PCSK5: variants seen among roughly 807,000 people sequenced by gnomAD.
PCSK5 encodes the protein prohormone convertase 5.
A neutral mutation model predicts 233.2 loss-of-function variants in PCSK5; 129 were observed. The ratio of observed to expected loss-of-function variants is 0.55; its 90% CI spans 0.48 to 0.64. The LOEUF is 0.64. PCSK5 is among the 30% of genes least tolerant of loss of function. The pLI is 0.00. For synonymous variants in PCSK5, 825 were observed against 879.2 expected (o/e 0.94, Z 1.09); for missense variants, 2,076 against 2,430.1 (o/e 0.85, Z 3.06).
At chr9:76,234,691 A>G (rs578078954) in intron 22 of PCSK5, among the ~76,000 whole-genome samples, 32 of 152,352 alleles carry the variant, frequency 2.1e-4, no homozygotes, top group African/African-American at 7.5e-4. Context: ...TACTTCTTTA[A>G]GAGTTTTTAT....
At chr9:76,291,434 C>A (rs1281026228) in intron 24 of PCSK5, among the ~76,000 whole-genome samples, 1 of 152,172 alleles carries the variant, frequency 6.6e-6, no homozygotes, top group African/African-American at 2.4e-5. Flanking sequence ...ATAAGAAGAG[C>A]AAGACTGGAA....
intron 20 of PCSK5, among the ~76,000 whole-genome samples, chr9:76,196,168 G>T (rs559252013): frequency 1.3e-5 from 2 of 152,356 alleles, no homozygotes; most frequent in African/African-American, 2.4e-5. Flanking sequence ...GCTTGGTATT[G>T]TTTCTATCAG....
rs543280114 is a variant in PCSK5, at chr9:76,361,918, T to A, written c.*2996T>A. The A allele has an allele frequency of 6.6e-6, 1 of 152,350 alleles. No homozygotes were observed. The highest frequency in any genetic ancestry group is 1.9e-4 in the East Asian group (1 of 5,190). The allele number at this position is 152,350 out of a possible 1,614,324, so 9.4% of individuals were successfully genotyped here. On this transcript the variant is annotated 3_prime_UTR_variant, in exon 38 of 38. Coordinates refer to ENST00000674117, the MANE Select transcript of PCSK5 (RefSeq NM_001372043.1). Reference sequence around the variant, plus strand: ...TGTTAATTCTAAAGCTCTGATAGACTGAGTTTGACATTTCTTTCTGTAAAC... The same window carrying A: ...TGTTAATTCTAAAGCTCTGATAGACAGAGTTTGACATTTCTTTCTGTAAAC...
intron 2 of PCSK5, among the ~76,000 whole-genome samples, chr9:75,942,882 CTTCTTTTTTT>C (rs1368782536): frequency 1.8e-5 from 2 of 112,952 alleles, no homozygotes; most frequent in African/African-American, 6.6e-5. Context: ...TTTTCTTCTT[CTTCTTTTTTT>C]TTTTTTTTTT....
intron 5 of PCSK5, among the ~76,000 whole-genome samples, chr9:76,052,488 C>T (rs559938924): frequency 1.3e-5 from 2 of 152,266 alleles, no homozygotes; most frequent in South Asian, 4.1e-4. Flanking sequence ...ATAAAACCAT[C>T]ACCTCTCATG....
chr9:75,979,074 G>A (rs926955176), intron 2 of PCSK5, among the ~76,000 whole-genome samples: 5 of 152,004 alleles, frequency 3.3e-5, no homozygotes, highest in Non-Finnish European at 5.9e-5. Flanking sequence ...GACTGGTCTC[G>A]AACTCCTGTC....
upstream of PCSK5, among the ~76,000 whole-genome samples, chr9:75,890,448 G>A (rs530901845): frequency 1.3e-5 from 2 of 152,116 alleles, no homozygotes; most frequent in Non-Finnish European, 2.9e-5. Flanking sequence ...GTAAAACCAC[G>A]ATCTCGGAGC....
At chr9:76,354,328 T>A in intron 37 of PCSK5, 109 bp downstream of exon 37, 1 of 810,620 alleles carries the variant, frequency 1.2e-6, no homozygotes, top group Non-Finnish European at 1.9e-6. Flanking sequence ...TATGGCTACC[T>A]TTTTATTGAG....
chr9:75,992,217 C>G (rs1435790336), intron 3 of PCSK5, among the ~76,000 whole-genome samples: 1 of 152,212 alleles, frequency 6.6e-6, no homozygotes, highest in African/African-American at 2.4e-5. Context: ...TCATCCTCTA[C>G]AGAGTCATCA....
chr9:76,270,501 C>A (rs1168969141), intron 24 of PCSK5, among the ~76,000 whole-genome samples: 4 of 152,174 alleles, frequency 2.6e-5, no homozygotes, highest in Non-Finnish European at 5.9e-5. Context: ...GGCAGTTCAG[C>A]CTTGGCACAG....
chr9:76,189,582 C>T, intron 19 of PCSK5, 49 bp from the exon 20 acceptor site: 2 of 1,109,518 alleles, frequency 1.8e-6, no homozygotes, highest in Non-Finnish European at 1.4e-6. Flanking sequence ...AACACACCTT[C>T]CCCTGTGCAT....
At chr9:75,991,050 C>T (rs765255942) in intron 3 of PCSK5, among the ~76,000 whole-genome samples, 3 of 152,118 alleles carry the variant, frequency 2.0e-5, no homozygotes, top group Non-Finnish European at 4.4e-5. Flanking sequence ...ATTATCTTAT[C>T]GCCAGTGTTC....
At chr9:75,918,523 G>C (rs2131250286) in intron 1 of PCSK5, among the ~76,000 whole-genome samples, 1 of 152,284 alleles carries the variant, frequency 6.6e-6, no homozygotes, top group Non-Finnish European at 1.5e-5. Context: ...ATTAGGTGTG[G>C]TATGGCTGAT....
intron 24 of PCSK5, among the ~76,000 whole-genome samples, chr9:76,261,480 G>C (rs1827172995): frequency 6.6e-6 from 1 of 152,068 alleles, no homozygotes; most frequent in Non-Finnish European, 1.5e-5. Flanking sequence ...CAGCAATAAT[G>C]TTCAAGCTGA....
intron 20 of PCSK5, among the ~76,000 whole-genome samples, chr9:76,207,889 A>G (rs998801318): frequency 2.6e-5 from 4 of 152,162 alleles, no homozygotes; most frequent in African/African-American, 9.7e-5. Flanking sequence ...GTAGTTTATA[A>G]AAAATAGGAC....
chr9:76,302,289 T>A, intron 28 of PCSK5, 72 bp downstream of exon 28: 1 of 702,138 alleles, frequency 1.4e-6, no homozygotes. Context: ...CGTGGAGAAA[T>A]CACCCCAAGA....
intron 2 of PCSK5, among the ~76,000 whole-genome samples, chr9:75,973,536 A>G (rs945597311): frequency 5.9e-5 from 9 of 152,200 alleles, no homozygotes; most frequent in Non-Finnish European, 1.2e-4. Context: ...GCACTAGCAT[A>G]GCCACTGTGG....
At chr9:76,059,655 G>A (rs1247408246) in intron 5 of PCSK5, among the ~76,000 whole-genome samples, 1 of 151,904 alleles carries the variant, frequency 6.6e-6, no homozygotes, top group Non-Finnish European at 1.5e-5. Flanking sequence ...TTTGTCAAAG[G>A]ACTTTGAAAA....
intron 34 of PCSK5, among the ~76,000 whole-genome samples, chr9:76,335,043 A>T (rs753850669): frequency 1.3e-5 from 2 of 152,198 alleles, no homozygotes; most frequent in Non-Finnish European, 2.9e-5. Flanking sequence ...GCACCACTGC[A>T]CTCCAGCCTG....
Sources: gnomAD v4.1 joint callset for allele counts (sites outside exome capture counted in the v4.1 genomes callset) on GRCh38, gnomAD v4.1.1 for gene constraint, MANE v1.5 for transcripts, NCBI Gene and HGNC (gene_info 2026-07-23, HGNC 2026-07-21) for gene names.